The following PCDHA12 variants were observed in gnomAD, a reference collection of about 807,000 sequenced individuals.
PCDHA12 encodes the protein protocadherin alpha 12, also known as protocadherin alpha-12.
A neutral mutation model predicts 60.0 loss-of-function variants in PCDHA12; 44 were observed. The ratio of observed to expected loss-of-function variants is 0.73; its 90% confidence interval spans 0.58 to 0.94. The LOEUF (loss-of-function observed/expected upper bound fraction) is 0.94. Ranked by LOEUF, PCDHA12 falls within the 40% of genes least tolerant of loss-of-function variation. The pLI is 0.00. For missense variants in PCDHA12, 1,276 were observed against 1,239.7 expected (o/e 1.03, Z -0.44); for synonymous variants, 569 against 553.0 (o/e 1.03, Z -0.40).
intron 1 of PCDHA12, chr5:140,882,355 C>T: frequency 6.2e-7 from 1 of 1,614,166 alleles, no homozygotes; most frequent in African/African-American, 1.3e-5. Context: ...CGGGTAGTGG[C>T]CAGCTCCACT....
chr5:140,892,310 A>T (rs1346325979), intron 1 of PCDHA12, among the ~76,000 whole-genome samples: 1 of 152,230 alleles, frequency 6.6e-6, no homozygotes, highest in African/African-American at 2.4e-5. Flanking sequence ...TTTGGGGCTT[A>T]TAACATTTTC....
In PCDHA12 at chr5:140,876,687, C is replaced by T; in HGVS notation, c.1215C>T (p.Tyr405=). Residue 405 remains tyrosine, a synonymous_variant, in exon 1 of 4, where the codon TAC becomes TAT. Transcript: ENST00000398631. ...TGGTGTCCACCTACAAGAATTACTA[C>T]TCGTTGGTGCTGGACAGCGCCCTGG... ...FKLVSTYKNY[Y]SLVLDSALDR... The T allele has an allele frequency of 6.2e-7, 1 of 1,614,212 alleles. No individual in the cohort carries two copies. The highest frequency in any genetic ancestry group is 8.5e-7 in the Non-Finnish European group (1 of 1,180,044).
intron 1 of PCDHA12, among the ~76,000 whole-genome samples, chr5:140,957,165 A>G (rs2095338056): frequency 6.6e-6 from 1 of 152,190 alleles, no homozygotes; most frequent in Non-Finnish European, 1.5e-5. Context: ...AAATCTAAGT[A>G]TATAAATTGG....
chr5:140,990,157 T>C (rs113813870), intron 3 of PCDHA12, among the ~76,000 whole-genome samples: 6 of 152,050 alleles, frequency 3.9e-5, no homozygotes, highest in African/African-American at 1.2e-4. Flanking sequence ...AATAGAAAGT[T>C]AGGGTATGAA....
chr5:140,975,848 T>C (rs1345383470), intron 1 of PCDHA12, among the ~76,000 whole-genome samples: 1 of 152,234 alleles, frequency 6.6e-6, no homozygotes, highest in Non-Finnish European at 1.5e-5. Flanking sequence ...TCAGTAATAC[T>C]ACATCACCCA....
chr5:140,886,827 G>GAAAAAAAAA, intron 1 of PCDHA12, among the ~76,000 whole-genome samples: 1 of 60,890 alleles, frequency 1.6e-5, no homozygotes, highest in Non-Finnish European at 3.3e-5. Flanking sequence ...ACTTCGTCTT[G>GAAAAAAAAA]AAAAAAAAAA....
chr5:140,918,633 A>G (rs2078785997), intron 1 of PCDHA12, among the ~76,000 whole-genome samples: 1 of 152,242 alleles, frequency 6.6e-6, no homozygotes, highest in Non-Finnish European at 1.5e-5. Flanking sequence ...CCCCAAATTC[A>G]TAAATTGAAA....
chr5:140,967,012 G>C (rs1554229065), intron 1 of PCDHA12: 1 of 1,606,656 alleles, frequency 6.2e-7, no homozygotes, highest in African/African-American at 1.3e-5. Flanking sequence ...TCAACCATCT[G>C]GGTGCGCCCA....
At chr5:140,880,663 G>A (rs1324939406) in intron 1 of PCDHA12, among the ~76,000 whole-genome samples, 1 of 152,210 alleles carries the variant, frequency 6.6e-6, no homozygotes, top group African/African-American at 2.4e-5. Flanking sequence ...AGGTAAAGGT[G>A]AGAGTAAATT....
chr5:140,882,462 G>T, intron 1 of PCDHA12: 1 of 1,614,036 alleles, frequency 6.2e-7, no homozygotes, highest in Non-Finnish European at 8.5e-7. Context: ...CGCCTGTTCC[G>T]GGTGGCGTCC....
chr5:140,901,642 C>T lies in PCDHA12; in HGVS notation c.2367+23803C>T, dbSNP rs369623028. Among the ~76,000 whole-genome samples, 37 of 152,054 alleles carry T rather than the reference C, an allele frequency of 2.4e-4. No individual in the cohort carries two copies. In the East Asian group the frequency reaches 3.3e-3, roughly 13 times the overall value. On this transcript the variant is annotated intron_variant, in intron 1 of 3. Transcript: ENST00000398631. ...TTGAAGTCAGGTAATGTGATTCTTC[C>T]GGTTTTGTTCTTTTTGCTCAAGATA...
At chr5:140,925,740 G>T (rs1008956010) in intron 1 of PCDHA12, among the ~76,000 whole-genome samples, 19 of 151,764 alleles carry the variant, frequency 1.3e-4, no homozygotes, top group African/African-American at 4.6e-4. Flanking sequence ...AATATTTACA[G>T]AAAGAAAATT....
chr5:140,969,491 C>T (rs2096337176), intron 1 of PCDHA12: 8 of 1,449,294 alleles, frequency 5.5e-6, no homozygotes, highest in Non-Finnish European at 7.3e-6. Context: ...CTGCTATTTC[C>T]TCTCTAGAAA....
At chr5:140,932,309 ATATAT>A (rs1441363335) in intron 1 of PCDHA12, among the ~76,000 whole-genome samples, 6 of 151,956 alleles carry the variant, frequency 3.9e-5, no homozygotes, top group Non-Finnish European at 8.8e-5. Context: ...AAAGGTATAA[ATATAT>A]TAATGTAGCA....
intron 1 of PCDHA12, among the ~76,000 whole-genome samples, chr5:140,908,711 T>A (rs951399125): frequency 6.6e-6 from 1 of 152,144 alleles, no homozygotes; most frequent in African/African-American, 2.4e-5. Flanking sequence ...CACCATTGGA[T>A]CTGCTGGGTC....
chr5:140,925,151 T>G (rs1378736882), intron 1 of PCDHA12, among the ~76,000 whole-genome samples: 3 of 151,748 alleles, frequency 2.0e-5, no homozygotes, highest in African/African-American at 7.3e-5. Context: ...ACACAAAAGT[T>G]GAGAGAATTG....
chr5:141,002,218 A>T (rs782352324), intron 3 of PCDHA12, among the ~76,000 whole-genome samples: 124 of 152,272 alleles, frequency 8.1e-4, no homozygotes, highest in Admixed American at 3.6e-3. Context: ...AATCAAAATG[A>T]TGGGTTTTCT....
At position 141,011,612 on chromosome 5, in the gene PCDHA12, G is replaced by A. The variant is rs1031311936; in HGVS notation, c.*1675G>A. 11 of 153,524 alleles carry A rather than the reference G, an allele frequency of 7.2e-5. No individual in the cohort carries two copies. The highest frequency in any genetic ancestry group is 1.6e-4 in the Non-Finnish European group (11 of 67,990). 9.5% of individuals were successfully genotyped at this position (153,524 alleles called of 1,614,324 possible). A position where few individuals can be genotyped will look rare whatever the true frequency, so the allele number is the denominator to read the frequency against. On this transcript the variant is annotated 3_prime_UTR_variant, in exon 4 of 4. Coordinates refer to ENST00000398631, the MANE Select transcript of PCDHA12 (RefSeq NM_018903.4). ...TGGTGATTCAAGGAATTTTATTTAT[G>A]GTCCAGCCAAGAGCCATCTCGTGCC...
At chr5:140,901,485 C>T (rs894282962) in intron 1 of PCDHA12, among the ~76,000 whole-genome samples, 1 of 152,086 alleles carries the variant, frequency 6.6e-6, no homozygotes, top group African/African-American at 2.4e-5. Context: ...GTTCTTGGCA[C>T]CTTCATCGAA....
Sources: gnomAD v4.1 joint callset for allele counts (sites outside exome capture counted in the v4.1 genomes callset) on GRCh38, gnomAD v4.1.1 for gene constraint, MANE v1.5 for transcripts, NCBI Gene and HGNC (gene_info 2026-07-23, HGNC 2026-07-21) for gene names.